TENT5D: variants seen among roughly 807,000 people sequenced by gnomAD.
The protein encoded by TENT5D is cancer/testis antigen 112.
For synonymous variants in TENT5D, 103 were observed against 100.6 expected (o/e 1.02, Z -0.15); for missense variants, 191 against 287.0 (o/e 0.67, Z 2.42).
intron 2 of TENT5D, among the ~76,000 whole-genome samples, chrX:80,340,911 A>G (rs1375019253): frequency 8.9e-6 from 1 of 112,582 alleles, no homozygotes; most frequent in East Asian, 2.8e-4. Flanking sequence ...GACAATAGCA[A>G]CAGAAATATC....
intron 1 of TENT5D, among the ~76,000 whole-genome samples, chrX:80,437,006 G>A (rs1490022846): frequency 8.9e-6 from 1 of 111,936 alleles, no homozygotes; most frequent in Admixed American, 9.6e-5. Flanking sequence ...ATTATCTGCA[G>A]TGTTGATAGT....
chrX:80,374,129 T>C (rs1930683303), intron 3 of TENT5D, among the ~76,000 whole-genome samples: 1 of 111,297 alleles, frequency 9.0e-6, no homozygotes, highest in Non-Finnish European at 1.9e-5. Flanking sequence ...TTTGCTAAGG[T>C]TAATGACCTC....
At chrX:80,366,923 TATCTC>T (rs921456418) in intron 3 of TENT5D, among the ~76,000 whole-genome samples, 3 of 111,648 alleles carry the variant, frequency 2.7e-5, no homozygotes, top group African/African-American at 6.5e-5. Flanking sequence ...CATAATATGT[TATCTC>T]ATCTTAATTT....
intron 3 of TENT5D, among the ~76,000 whole-genome samples, chrX:80,387,405 C>T (rs1410408039): frequency 8.9e-6 from 1 of 111,865 alleles, no homozygotes; most frequent in East Asian, 2.8e-4. Flanking sequence ...TTCGAAGGAA[C>T]TTGGGTGTTG....
intron 3 of TENT5D, among the ~76,000 whole-genome samples, chrX:80,352,724 A>C (rs867568755): frequency 2.2e-3 from 223 of 103,199 alleles, no homozygotes; most frequent in East Asian, 5.8e-3. Flanking sequence ...AACAAACAAA[A>C]AAAAAAAAAA....
intron 3 of TENT5D, among the ~76,000 whole-genome samples, chrX:80,408,437 A>G (rs1301069554): frequency 9.0e-6 from 1 of 110,537 alleles, no homozygotes; most frequent in African/African-American, 3.3e-5. Context: ...TCCCACAGAA[A>G]TACAAACTAC....
At chrX:80,367,075 G>C (rs1930525822) in intron 3 of TENT5D, among the ~76,000 whole-genome samples, 1 of 111,554 alleles carries the variant, frequency 9.0e-6, no homozygotes, top group African/African-American at 3.3e-5. Flanking sequence ...TATCAGTCTA[G>C]TAATTCCAGA....
intron 3 of TENT5D, among the ~76,000 whole-genome samples, chrX:80,364,471 A>T (rs1044809912): frequency 9.0e-6 from 1 of 111,004 alleles, no homozygotes; most frequent in African/African-American, 3.3e-5. Flanking sequence ...ATCTCTATTT[A>T]AAATGAAATG....
chrX:80,365,420 C>T (rs1437829690), intron 3 of TENT5D, among the ~76,000 whole-genome samples: 1 of 111,462 alleles, frequency 9.0e-6, no homozygotes, highest in Non-Finnish European at 1.9e-5. Context: ...ACATCAGAAT[C>T]ATCCACTGCA....
intron 3 of TENT5D, among the ~76,000 whole-genome samples, chrX:80,354,390 T>C (rs1602501488): frequency 1.8e-5 from 2 of 111,853 alleles, no homozygotes; most frequent in East Asian, 2.8e-4. Context: ...TTGTTCAATT[T>C]CCTACTTTTT....
intron 2 of TENT5D, among the ~76,000 whole-genome samples, chrX:80,337,735 T>C (rs1929879029): frequency 8.9e-6 from 1 of 112,363 alleles, no homozygotes; most frequent in African/African-American, 3.2e-5. Context: ...AGGTTAACTT[T>C]TAAAAATCCA....
chrX:80,383,921 A>G (rs1291156880), intron 3 of TENT5D, among the ~76,000 whole-genome samples: 2 of 111,592 alleles, frequency 1.8e-5, no homozygotes, highest in Admixed American at 9.6e-5. Context: ...GGCAATAATT[A>G]ATAGCTTACC....
intron 1 of TENT5D, among the ~76,000 whole-genome samples, chrX:80,435,780 T>A (rs111547483): frequency 0.01 from 1,172 of 112,637 alleles, 23 homozygotes; most frequent in African/African-American, 0.036. Context: ...AGTTGGACTC[T>A]AAACACATAT....
chrX:80,410,304 G>A (rs1931622267), intron 3 of TENT5D, among the ~76,000 whole-genome samples: 1 of 96,736 alleles, frequency 1.0e-5, no homozygotes, highest in Admixed American at 1.2e-4. Context: ...GAGTGAACAG[G>A]CAACCTACAA....
Position 80,388,803 on chromosome X carries a change from C to T in TENT5D, c.-142+46239C>T, listed in dbSNP as rs186123469. 1.1e-4 allele frequency among the ~76,000 whole-genome samples: 12 copies of T among 111,531 alleles called. No homozygotes were observed. The East Asian group carries it at 2.3e-3, about 21-fold the overall frequency. On this transcript the variant is annotated intron_variant, in intron 3 of 4. Transcript: ENST00000538312. ...TCCACTGGCTCTGAGGTCAGCACAC[C>T]GGGACCTGCCTAGGATTTGCAGTCC...
chrX:80,398,714 G>A (rs1267149946), intron 3 of TENT5D, among the ~76,000 whole-genome samples: 1 of 110,651 alleles, frequency 9.0e-6, no homozygotes, highest in Admixed American at 9.6e-5. Context: ...AGATCAATTG[G>A]CTATGGACAT....
rs5959026 is a variant in TENT5D, at chrX:80,351,690, G to T, written c.-142+9126G>T. On this transcript the variant is annotated intron_variant, in intron 3 of 4. Transcript: ENST00000538312. ...ATTCTCTGTCCAGTTTTGCGCCCTT[G>T]CTGGAGAGGAGTTATGATCATTTGG... is the stretch of plus-strand genomic sequence containing the variant. 4.4e-3 allele frequency among the ~76,000 whole-genome samples: 482 copies of T among 110,106 alleles called. 2 individuals are homozygous for T. The highest frequency in any genetic ancestry group is 0.015 in the African/African-American group (456 of 30,253).
chrX:80,424,768 C>T (rs1395132595), intron 1 of TENT5D, among the ~76,000 whole-genome samples: 1 of 112,660 alleles, frequency 8.9e-6, no homozygotes, highest in African/African-American at 3.2e-5. Flanking sequence ...ACAGAAACTG[C>T]AGCAAGAATA....
At chrX:80,397,490 C>T (rs1292066369) in intron 3 of TENT5D, among the ~76,000 whole-genome samples, 3 of 109,992 alleles carry the variant, frequency 2.7e-5, no homozygotes, top group African/African-American at 6.6e-5. Flanking sequence ...AGACGATGGG[C>T]GGCCAGGCAG....
Sources: gnomAD v4.1 joint callset for allele counts (sites outside exome capture counted in the v4.1 genomes callset) on GRCh38, gnomAD v4.1.1 for gene constraint, MANE v1.5 for transcripts, NCBI Gene and HGNC (gene_info 2026-07-23, HGNC 2026-07-21) for gene names.